Variants in CD2AP observed in about 807,000 individuals in gnomAD.
CD2AP encodes CD2-associated protein.
Under a neutral mutation model 85.1 loss-of-function variants are expected in CD2AP, and 46 were observed. That is an observed-to-expected ratio of 0.54 (90% confidence interval 0.43 to 0.69). CD2AP has a LOEUF of 0.69. Among genes scored for constraint, CD2AP ranks in the 30% least tolerant of loss-of-function variants. The probability of loss-of-function intolerance (pLI) is 0.00; values close to 1 mark genes in which losing one functional copy is unlikely to be tolerated. For missense variants in CD2AP, 769 were observed against 729.5 expected (o/e 1.05, Z -0.62); for synonymous variants, 255 against 252.9 (o/e 1.01, Z -0.08).
intron 5 of CD2AP, among the ~76,000 whole-genome samples, chr6:47,558,227 C>T (rs988192707): frequency 6.6e-6 from 1 of 152,106 alleles, no homozygotes; most frequent in African/African-American, 2.4e-5. Context: ...AGATTTTGGG[C>T]TGAGATGATG....
intron 1 of CD2AP, among the ~76,000 whole-genome samples, chr6:47,499,807 C>T (rs528384356): frequency 1.3e-5 from 2 of 152,310 alleles, no homozygotes; most frequent in African/African-American, 4.8e-5. Context: ...CGGCTCACTG[C>T]AACTTTCGCC....
intron 7 of CD2AP, 141 bp from the exon 8 acceptor site, chr6:47,576,868 C>T: frequency 1.5e-6 from 1 of 663,374 alleles, no homozygotes. Context: ...ACGGTATTGA[C>T]TATAAGTATT....
At chr6:47,508,049 T>G (rs1049540002) in intron 2 of CD2AP, among the ~76,000 whole-genome samples, 1 of 152,248 alleles carries the variant, frequency 6.6e-6, no homozygotes, top group Non-Finnish European at 1.5e-5. Flanking sequence ...AGCATAATTC[T>G]TAAGGACCCT....
chr6:47,574,413 A>G (rs1429852084), intron 6 of CD2AP, among the ~76,000 whole-genome samples, 162 bp downstream of exon 6: 1 of 152,112 alleles, frequency 6.6e-6, no homozygotes, highest in African/African-American at 2.4e-5. Context: ...CTCCAAATTT[A>G]CAATGATTAA....
At chr6:47,529,101 C>G (rs1766801986) in intron 2 of CD2AP, among the ~76,000 whole-genome samples, 1 of 149,842 alleles carries the variant, frequency 6.7e-6, no homozygotes, top group Admixed American at 6.7e-5. Context: ...TATTTTCTGA[C>G]TCTTTCAGCG....
intron 2 of CD2AP, among the ~76,000 whole-genome samples, chr6:47,510,854 T>G (rs1338330401): frequency 6.6e-6 from 1 of 151,620 alleles, no homozygotes; most frequent in Non-Finnish European, 1.5e-5. Flanking sequence ...GTGGGCAGAT[T>G]ACGAGGTCAA....
At chr6:47,593,155 G>A (rs767594523) in intron 11 of CD2AP, among the ~76,000 whole-genome samples, 4 of 152,066 alleles carry the variant, frequency 2.6e-5, no homozygotes, top group Non-Finnish European at 5.9e-5. Flanking sequence ...CACACATTTG[G>A]TGTCTCAGAG....
chr6:47,604,354 T>TA (rs906949276), intron 13 of CD2AP, among the ~76,000 whole-genome samples: 2 of 152,114 alleles, frequency 1.3e-5, no homozygotes, highest in Non-Finnish European at 2.9e-5. Context: ...ATAGTAAAGT[T>TA]ACTTGTCTTG....
intron 2 of CD2AP, among the ~76,000 whole-genome samples, chr6:47,514,959 G>C (rs1766415262): frequency 6.6e-6 from 1 of 151,878 alleles, no homozygotes; most frequent in Non-Finnish European, 1.5e-5. Context: ...GGCTGAGGCA[G>C]GAGAATTGCT....
At chr6:47,528,233 G>A (rs1425766665) in intron 2 of CD2AP, among the ~76,000 whole-genome samples, 2 of 152,192 alleles carry the variant, frequency 1.3e-5, no homozygotes, top group African/African-American at 4.8e-5. Flanking sequence ...GGAGCGCAGT[G>A]CTGTGATCTT....
intron 11 of CD2AP, among the ~76,000 whole-genome samples, chr6:47,589,403 TACAC>T (rs996259546): frequency 3.6e-4 from 5 of 13,972 alleles, no homozygotes; most frequent in African/African-American, 5.9e-4. Flanking sequence ...CAAATGTATA[TACAC>T]ACACATATAT....
chr6:47,546,106 A>G (rs1767358569), intron 4 of CD2AP, among the ~76,000 whole-genome samples: 2 of 152,198 alleles, frequency 1.3e-5, no homozygotes, highest in Non-Finnish European at 2.9e-5. Flanking sequence ...AATCAAAAAA[A>G]TGATACAAGA....
At chr6:47,575,773 A>G (rs1230406296) in intron 6 of CD2AP, among the ~76,000 whole-genome samples, 1 of 152,122 alleles carries the variant, frequency 6.6e-6, no homozygotes, top group African/African-American at 2.4e-5. Context: ...TGTCTAGTAG[A>G]CTGTAGCTAT....
At chr6:47,557,992 CTT>C (rs1319910360) in intron 5 of CD2AP, among the ~76,000 whole-genome samples, 1 of 152,080 alleles carries the variant, frequency 6.6e-6, no homozygotes, top group African/African-American at 2.4e-5. Context: ...TGGGTCCTCT[CTT>C]ATTTCCTTGA....
intron 17 of CD2AP, among the ~76,000 whole-genome samples, chr6:47,618,989 A>T (rs939729415): frequency 6.6e-6 from 1 of 152,344 alleles, no homozygotes; most frequent in African/African-American, 2.4e-5. Context: ...TAATGTTAAC[A>T]TTATACAGTA....
chr6:47,558,095 A>G (rs1348992918), intron 5 of CD2AP, among the ~76,000 whole-genome samples: 2 of 152,028 alleles, frequency 1.3e-5, no homozygotes, highest in Non-Finnish European at 2.9e-5. Context: ...GCCATTGTGA[A>G]TGGGAGTTTG....
At chr6:47,622,116 G>C (rs1769761438) in intron 17 of CD2AP, among the ~76,000 whole-genome samples, 3 of 152,182 alleles carry the variant, frequency 2.0e-5, no homozygotes, top group Admixed American at 2.0e-4. Flanking sequence ...TGGTTGTCAG[G>C]GAAGTAGGGG....
Position 47,576,560 on chromosome 6 carries a change from A to T in CD2AP, c.766A>T (p.Ser256Cys). 7 of 1,612,900 alleles carry T rather than the reference A, an allele frequency of 4.3e-6. No homozygotes were observed. Among genetic ancestry groups the T allele is most frequent in the Non-Finnish European group, 5.9e-6 (7 of 1,179,194 alleles). ...ILQSLGPKTQ[S>C]VEITKTDTEG... ...ACAGTCACTGGGACCCAAAACTCAG[A>T]GTGTGGAGATAACAAAAACAGATAC... The change falls in exon 7 of 18, where the codon AGT becomes TGT. Residue 256 changes from serine (S) to cysteine (C), a missense_variant. Transcript: ENST00000359314.
At chr6:47,578,468 C>T (rs926693033) in intron 8 of CD2AP, among the ~76,000 whole-genome samples, 1 of 152,158 alleles carries the variant, frequency 6.6e-6, no homozygotes, top group Non-Finnish European at 1.5e-5. Context: ...CCACATCAGC[C>T]TCTGAAGTTA....
Sources: gnomAD v4.1 joint callset for allele counts (sites outside exome capture counted in the v4.1 genomes callset) on GRCh38, gnomAD v4.1.1 for gene constraint, MANE v1.5 for transcripts, NCBI Gene and HGNC (gene_info 2026-07-23, HGNC 2026-07-21) for gene names.